The following ERAP1 variants were observed in gnomAD, a reference collection of about 807,000 sequenced individuals.
ERAP1 encodes adipocyte-derived leucine aminopeptidase.
In ERAP1, 86 loss-of-function variants were observed where a neutral mutation model predicts 103.7. The ratio of observed to expected loss-of-function variants is 0.83; its 90% CI spans 0.70 to 0.99. The LOEUF (loss-of-function observed/expected upper bound fraction) is 0.99, where lower values mean the gene tolerates loss of function less well. Among genes scored for constraint, ERAP1 ranks in the 50% least tolerant of loss-of-function variants. The probability of loss-of-function intolerance (pLI) is 0.00; values close to 1 mark genes in which losing one functional copy is unlikely to be tolerated. For missense variants in ERAP1, 1,009 were observed against 1,128.4 expected (o/e 0.89, Z 1.52); for synonymous variants, 398 against 402.4 (o/e 0.99, Z 0.13).
chr5:96,930,651 T>C, the ERAP1 span, among the ~76,000 whole-genome samples: 1 of 152,180 alleles, frequency 6.6e-6, no homozygotes, highest in Non-Finnish European at 1.5e-5. Context: ...TTTTCCTTTC[T>C]GAATGGAAAA....
At chr5:96,859,190 G>T in the ERAP1 span, among the ~76,000 whole-genome samples, 1 of 152,010 alleles carries the variant, frequency 6.6e-6, no homozygotes. Flanking sequence ...TGTGCAGTTT[G>T]TTGAATTGGG....
chr5:96,899,303 T>TAGGA, the ERAP1 span, among the ~76,000 whole-genome samples: 1 of 152,074 alleles, frequency 6.6e-6, no homozygotes, highest in East Asian at 1.9e-4. Flanking sequence ...CCATCAATCT[T>TAGGA]CCCCTAAAGG....
chr5:96,932,660 T>C, the ERAP1 span, among the ~76,000 whole-genome samples: 1 of 152,218 alleles, frequency 6.6e-6, no homozygotes, highest in Admixed American at 6.5e-5. Context: ...TCCTTATCTG[T>C]TTCAATGTGA....
chr5:96,909,705 T>G, the ERAP1 span: 1 of 1,614,188 alleles, frequency 6.2e-7, no homozygotes, highest in African/African-American at 1.3e-5. Context: ...ACCATGCTCC[T>G]TGCATCCAGA....
At chr5:96,763,202 A>T (rs748041442) in exon 20 of ERAP1, 2 of 780,778 alleles carry the variant, frequency 2.6e-6, no homozygotes, top group Non-Finnish European at 2.4e-6. Context: ...ATGGATTTTC[A>T]TCCTGTTGCG....
the ERAP1 span, among the ~76,000 whole-genome samples, chr5:96,844,193 T>C: frequency 2.6e-5 from 4 of 152,220 alleles, no homozygotes; most frequent in African/African-American, 7.2e-5. Context: ...TAATGTAATA[T>C]AATTCAGTGA....
the ERAP1 span, chr5:96,880,285 C>T: frequency 6.4e-7 from 1 of 1,571,922 alleles, no homozygotes; most frequent in Non-Finnish European, 8.7e-7. Flanking sequence ...AGGTAATTTA[C>T]ATTCTTTTGT....
At chr5:96,820,700 A>G in the ERAP1 span, among the ~76,000 whole-genome samples, 2 of 152,178 alleles carry the variant, frequency 1.3e-5, no homozygotes, top group African/African-American at 4.8e-5. Flanking sequence ...TAGTTGCCAG[A>G]TTAAATATTT....
chr5:96,891,085 G>A, the ERAP1 span, among the ~76,000 whole-genome samples: 14 of 152,052 alleles, frequency 9.2e-5, no homozygotes, highest in South Asian at 1.2e-3. Flanking sequence ...CTTTATTAGC[G>A]CTAATTTAGT....
At chr5:96,867,943 G>A in the ERAP1 span, among the ~76,000 whole-genome samples, 1 of 151,924 alleles carries the variant, frequency 6.6e-6, no homozygotes, top group Admixed American at 6.6e-5. Context: ...GTTTGGTGGC[G>A]AGTGCCTGTA....
At chr5:96,807,694 C>T (rs1778800929) in intron 1 of ERAP1, among the ~76,000 whole-genome samples, 166 bp downstream of exon 1, 1 of 152,096 alleles carries the variant, frequency 6.6e-6, no homozygotes, top group Non-Finnish European at 1.5e-5. Context: ...TCCTCCCGCG[C>T]CCCGTCGCCT....
the ERAP1 span, among the ~76,000 whole-genome samples, chr5:96,931,223 C>T: frequency 2.0e-5 from 3 of 150,486 alleles, no homozygotes; most frequent in Non-Finnish European, 2.9e-5. Context: ...GTGGTGTGAT[C>T]TTGGCTTGCT....
upstream of ERAP1, among the ~76,000 whole-genome samples, chr5:96,810,494 T>C (rs190030771): frequency 2.0e-5 from 3 of 152,268 alleles, no homozygotes; most frequent in African/African-American, 7.2e-5. Context: ...ATGAGACAGG[T>C]CGGCAACTTG....
the ERAP1 span, among the ~76,000 whole-genome samples, chr5:96,876,963 A>G: frequency 6.6e-6 from 1 of 151,840 alleles, no homozygotes; most frequent in Non-Finnish European, 1.5e-5. Context: ...TATTTAATTT[A>G]ATTTATGTAT....
chr5:96,874,583 G>A, the ERAP1 span, among the ~76,000 whole-genome samples: 1 of 152,114 alleles, frequency 6.6e-6, no homozygotes, highest in African/African-American at 2.4e-5. Flanking sequence ...CCCTTCCTGT[G>A]GTGCCCCTCT....
the ERAP1 span, among the ~76,000 whole-genome samples, chr5:96,878,793 T>G: frequency 6.6e-6 from 1 of 152,044 alleles, no homozygotes; most frequent in Non-Finnish European, 1.5e-5. Flanking sequence ...CTGGGTGTGG[T>G]GGCACATACC....
At chr5:96,890,364 A>G in the ERAP1 span, among the ~76,000 whole-genome samples, 1 of 152,156 alleles carries the variant, frequency 6.6e-6, no homozygotes, top group African/African-American at 2.4e-5. Flanking sequence ...CTCCTATGAG[A>G]ATCTAATGAC....
intron 18 of ERAP1, among the ~76,000 whole-genome samples, chr5:96,778,175 G>A (rs1240085647): frequency 6.6e-6 from 1 of 152,190 alleles, no homozygotes; most frequent in African/African-American, 2.4e-5. Flanking sequence ...TGTAATTACT[G>A]TGCTAGACAC....
chr5:96,864,652 T>C, the ERAP1 span, among the ~76,000 whole-genome samples: 3 of 152,212 alleles, frequency 2.0e-5, no homozygotes, highest in African/African-American at 7.2e-5. Flanking sequence ...AAGAAACCTT[T>C]ATAATCCCTT....
Sources: gnomAD v4.1 joint callset for allele counts (sites outside exome capture counted in the v4.1 genomes callset) on GRCh38, gnomAD v4.1.1 for gene constraint, MANE v1.5 for transcripts, NCBI Gene and HGNC (gene_info 2026-07-23, HGNC 2026-07-21) for gene names.